The following RGS7 variants were observed in gnomAD, a reference collection of about 807,000 sequenced individuals.
RGS7 encodes the protein regulator of G protein signaling 7, also known as regulator of G-protein signaling 7.
Under a neutral mutation model 81.1 loss-of-function variants are expected in RGS7, and 27 were observed. The observed-to-expected ratio is 0.33, with a 90% CI of 0.25 to 0.46. The LOEUF (loss-of-function observed/expected upper bound fraction) is 0.46. Among genes scored for constraint, RGS7 ranks in the 20% least tolerant of loss-of-function variants. The pLI is 1.00. For missense variants in RGS7, 396 were observed against 607.4 expected (o/e 0.65, Z 3.66); for synonymous variants, 208 against 207.7 (o/e 1.00, Z -0.01).
intron 2 of RGS7, among the ~76,000 whole-genome samples, chr1:241,297,950 C>T (rs1252656716): frequency 1.3e-5 from 2 of 152,164 alleles, no homozygotes; most frequent in Non-Finnish European, 2.9e-5. Flanking sequence ...GTTTAATCAC[C>T]ACTAGATCGA....
chr1:241,296,412 C>T (rs1346008427), intron 2 of RGS7, among the ~76,000 whole-genome samples: 2 of 152,076 alleles, frequency 1.3e-5, no homozygotes, highest in Non-Finnish European at 2.9e-5. Flanking sequence ...TGACAAGTCG[C>T]TACTGGAAAT....
intron 4 of RGS7, among the ~76,000 whole-genome samples, chr1:240,940,275 T>G (rs2148392489): frequency 1.3e-5 from 2 of 152,310 alleles, no homozygotes; most frequent in Middle Eastern, 6.8e-3. Context: ...TGTCTTGCTT[T>G]GGCCATTTCT....
intron 10 of RGS7, chr1:240,823,037 G>A (rs1338347954): frequency 3.3e-6 from 2 of 613,846 alleles, no homozygotes; most frequent in East Asian, 2.9e-5. Context: ...AAATGTTCTG[G>A]TAAATCTAGT....
rs2083522063 is a variant in RGS7 at position 241,355,756 on chromosome 1, A to G, written c.21T>C (p.Tyr7=). Residue 7 remains tyrosine, a synonymous_variant, in exon 2 of 19, where the codon TAT becomes TAC. Transcript: ENST00000440928. MAQGNN[Y]GQTSNGVADE... is the part of the protein sequence containing the mutation. ...CGGCCACCCCGTTGCTGGTCTGCCC[A>G]TAATTATTCCCCTGGGCCATGTCAC... The G allele has an allele frequency of 6.2e-7, 1 of 1,614,142 alleles. No individual in the cohort carries two copies.
intron 3 of RGS7, among the ~76,000 whole-genome samples, chr1:241,068,257 TAAA>T (rs1553407918): frequency 6.3e-4 from 46 of 73,170 alleles, no homozygotes; most frequent in East Asian, 2.4e-3. Flanking sequence ...TATATATATA[TAAA>T]ATATTGTGTA....
At chr1:240,825,817 G>C (rs1692703212) in intron 10 of RGS7, among the ~76,000 whole-genome samples, 2 of 152,176 alleles carry the variant, frequency 1.3e-5, no homozygotes, top group South Asian at 2.1e-4. Flanking sequence ...TGGTGCCGAA[G>C]AGAGAGTATA....
At chr1:240,791,622 T>C (rs1328255263) in intron 18 of RGS7, among the ~76,000 whole-genome samples, 1 of 152,188 alleles carries the variant, frequency 6.6e-6, no homozygotes, top group African/African-American at 2.4e-5. Flanking sequence ...CTAATGAGTA[T>C]ATATGAAGCT....
rs576583147 is a variant in RGS7 at position 241,006,316 on chromosome 1, T to C, written c.176-23187A>G. Reference sequence around the variant, plus strand: ...CCTTTCTCCTGTTTTCTGTTGGACTTTGAGGAAAAGGTTTCTGTTTTCCTG... The same window carrying C: ...CCTTTCTCCTGTTTTCTGTTGGACTCTGAGGAAAAGGTTTCTGTTTTCCTG... On this transcript the variant is annotated intron_variant, in intron 3 of 18. Coordinates refer to ENST00000440928, the MANE Select transcript of RGS7 (RefSeq NM_001364886.1). Among the ~76,000 whole-genome samples, 9 of 152,304 alleles carry C rather than the reference T, an allele frequency of 5.9e-5. No individual in the cohort carries two copies. The East Asian group carries it at 1.7e-3, about 29-fold the overall frequency.
rs571906729 is a variant in RGS7 at position 241,125,835 on chromosome 1, T to C, written c.79-27073A>G. 1.1e-4 allele frequency among the ~76,000 whole-genome samples: 17 copies of C among 152,332 alleles called. 1 individual carries two copies. The South Asian group carries it at 3.5e-3, about 32-fold the overall frequency. On this transcript the variant is annotated intron_variant, in intron 2 of 18. Transcript: ENST00000440928. ...CATTAAATCCTTTTTTCTACCTCGA[T>C]CTTATTTCCTCTTAGGAACTGAAAG...
chr1:240,842,284 C>A (rs577314331), intron 9 of RGS7, among the ~76,000 whole-genome samples: 3 of 141,060 alleles, frequency 2.1e-5, no homozygotes, highest in Non-Finnish European at 3.0e-5. Flanking sequence ...CTGCAACCCC[C>A]GCCTCCCGGT....
intron 2 of RGS7, among the ~76,000 whole-genome samples, chr1:241,239,290 C>G (rs1267135724): frequency 6.6e-6 from 1 of 151,976 alleles, no homozygotes; most frequent in African/African-American, 2.4e-5. Flanking sequence ...ACTCTTAATC[C>G]ACATTGCCAT....
intron 4 of RGS7, among the ~76,000 whole-genome samples, chr1:240,977,128 A>G: frequency 6.6e-6 from 1 of 150,942 alleles, no homozygotes. Flanking sequence ...ACACACACAC[A>G]CACACACACA....
intron 2 of RGS7, among the ~76,000 whole-genome samples, chr1:241,172,715 G>A (rs1375379248): frequency 1.3e-5 from 2 of 152,160 alleles, no homozygotes; most frequent in African/African-American, 4.8e-5. Context: ...TTTAACCCTT[G>A]AGAAATGAGT....
At chr1:241,028,878 A>C (rs1258051059) in intron 3 of RGS7, among the ~76,000 whole-genome samples, 1 of 152,204 alleles carries the variant, frequency 6.6e-6, no homozygotes, top group Non-Finnish European at 1.5e-5. Flanking sequence ...CCACCTGTTG[A>C]CACAGAAGAC....
intron 18 of RGS7, among the ~76,000 whole-genome samples, chr1:240,791,593 G>T (rs1408490752): frequency 6.6e-6 from 1 of 152,192 alleles, no homozygotes; most frequent in African/African-American, 2.4e-5. Context: ...TTTTCTGAAA[G>T]AGGTTTCATA....
chr1:241,241,010 G>A (rs192487443), intron 2 of RGS7, among the ~76,000 whole-genome samples: 2 of 152,144 alleles, frequency 1.3e-5, no homozygotes, highest in East Asian at 3.9e-4. Context: ...CGGCAGGCCA[G>A]AGCTAATTAA....
intron 2 of RGS7, among the ~76,000 whole-genome samples, chr1:241,177,190 A>G (rs1239539806): frequency 6.6e-6 from 1 of 152,234 alleles, no homozygotes; most frequent in Non-Finnish European, 1.5e-5. Context: ...CAGGTCATAA[A>G]GTAACAGAGC....
intron 18 of RGS7, among the ~76,000 whole-genome samples, chr1:240,780,685 G>A (rs1204895246): frequency 6.6e-6 from 1 of 151,964 alleles, no homozygotes; most frequent in Non-Finnish European, 1.5e-5. Context: ...GGAGAGCAAG[G>A]CAGGTGGATC....
chr1:241,190,261 ATTTT>A (rs908236278), intron 2 of RGS7, among the ~76,000 whole-genome samples: 2 of 152,096 alleles, frequency 1.3e-5, no homozygotes, highest in African/African-American at 4.8e-5. Flanking sequence ...AGGCAGATTT[ATTTT>A]TATCACATTA....
Sources: gnomAD v4.1 joint callset for allele counts (sites outside exome capture counted in the v4.1 genomes callset) on GRCh38, gnomAD v4.1.1 for gene constraint, MANE v1.5 for transcripts, NCBI Gene and HGNC (gene_info 2026-07-23, HGNC 2026-07-21) for gene names.